MLLT3: variants seen among roughly 807,000 people sequenced by gnomAD.
The protein encoded by MLLT3 is protein AF-9.
Under a neutral mutation model 53.2 loss-of-function variants are expected in MLLT3, and 4 were observed. That is an observed-to-expected ratio of 0.08 (90% confidence interval 0.04 to 0.17). MLLT3 has a LOEUF of 0.17. Ranked by LOEUF, MLLT3 falls within the 10% of genes least tolerant of loss-of-function variation. The pLI is 1.00. For synonymous variants in MLLT3, 283 were observed against 230.6 expected (o/e 1.23, Z -2.06); for missense variants, 569 against 684.0 (o/e 0.83, Z 1.87).
At chr9:20,533,287 T>C (rs536988654) in intron 2 of MLLT3, 13 of 328,924 alleles carry the variant, frequency 4.0e-5, no homozygotes, top group Non-Finnish European at 6.2e-5. Context: ...GTGGCTCACA[T>C]TGCCAAGCTC....
chr9:20,442,386 C>A (rs777782681), intron 4 of MLLT3, among the ~76,000 whole-genome samples: 4 of 152,132 alleles, frequency 2.6e-5, no homozygotes, highest in Admixed American at 6.6e-5. Context: ...CGGACATATC[C>A]ATGTGCACAA....
chr9:20,522,895 G>A (rs1399964097), intron 2 of MLLT3, among the ~76,000 whole-genome samples: 4 of 152,080 alleles, frequency 2.6e-5, no homozygotes, highest in African/African-American at 4.8e-5. Context: ...AAAGGAAGTC[G>A]AGGCTTCAGT....
intron 2 of MLLT3, among the ~76,000 whole-genome samples, chr9:20,523,488 G>A (rs1818119702): frequency 6.6e-6 from 1 of 152,194 alleles, no homozygotes; most frequent in African/African-American, 2.4e-5. Flanking sequence ...TTCAGTAGAT[G>A]AAGAGATAAA....
intron 4 of MLLT3, among the ~76,000 whole-genome samples, chr9:20,427,642 C>T (rs964140248): frequency 6.6e-6 from 1 of 151,626 alleles, no homozygotes; most frequent in Non-Finnish European, 1.5e-5. Context: ...ATCCTAGACA[C>T]ATTGTACTAA....
chr9:20,513,804 G>C lies in MLLT3; in HGVS notation c.194-57018C>G, dbSNP rs541789241. ...GGATGACTGAGCCCTGCTTCTGTGT[G>C]AAACAAGTTACACCTAGATTCAGAA... is the stretch of plus-strand genomic sequence containing the variant. On this transcript the variant is annotated intron_variant, in intron 2 of 10. Coordinates refer to ENST00000380338, the MANE Select transcript of MLLT3 (RefSeq NM_004529.4). Among the ~76,000 whole-genome samples the C allele has an allele frequency of 1.8e-4, 28 of 152,336 alleles. 1 individual carries two copies. The South Asian group carries it at 5.4e-3, about 29-fold the overall frequency.
intron 2 of MLLT3, among the ~76,000 whole-genome samples, chr9:20,512,488 G>A (rs1817780368): frequency 6.6e-6 from 1 of 152,192 alleles, no homozygotes; most frequent in Non-Finnish European, 1.5e-5. Flanking sequence ...TTTGGGGGAA[G>A]AGTCTAGCTT....
chr9:20,411,473 C>A (rs1203914231), intron 5 of MLLT3, among the ~76,000 whole-genome samples: 3 of 152,086 alleles, frequency 2.0e-5, no homozygotes, highest in Non-Finnish European at 1.5e-5. Flanking sequence ...TTACTAGTAC[C>A]AGAAGACTAA....
At chr9:20,563,319 T>C (rs1418425083) in intron 2 of MLLT3, among the ~76,000 whole-genome samples, 1 of 152,024 alleles carries the variant, frequency 6.6e-6, no homozygotes, top group African/African-American at 2.4e-5. Context: ...GATCACTTGC[T>C]ATAACAGGTG....
At chr9:20,429,730 T>C (rs1005351215) in intron 4 of MLLT3, among the ~76,000 whole-genome samples, 17 of 152,232 alleles carry the variant, frequency 1.1e-4, no homozygotes, top group Non-Finnish European at 2.2e-4. Flanking sequence ...CAAAAATTCA[T>C]CCATGGTTTT....
intron 5 of MLLT3, among the ~76,000 whole-genome samples, chr9:20,409,869 T>G (rs1205377790): frequency 1.3e-5 from 2 of 152,098 alleles, no homozygotes; most frequent in African/African-American, 4.8e-5. Context: ...TAACAGTAAC[T>G]CAAAGATAAA....
intron 5 of MLLT3, among the ~76,000 whole-genome samples, chr9:20,395,044 T>C (rs898569014): frequency 6.6e-6 from 1 of 152,118 alleles, no homozygotes; most frequent in African/African-American, 2.4e-5. Context: ...TCACCACCTG[T>C]GAAGCTAAGC....
At position 20,484,875 on chromosome 9, in the gene MLLT3, G is replaced by A. The variant is rs997934136; in HGVS notation, c.194-28089C>T. Among the ~76,000 whole-genome samples, 5 of 152,108 alleles carry A rather than the reference G, an allele frequency of 3.3e-5. No individual in the cohort carries two copies. The South Asian group carries it at 6.2e-4, about 19-fold the overall frequency. ...ATATAATCATAACCACATTTTGAAC[G>A]CAGTTAAATATTTTCAAAAGATAAG... On this transcript the variant is annotated intron_variant, in intron 2 of 10. Coordinates refer to ENST00000380338, the MANE Select transcript of MLLT3 (RefSeq NM_004529.4).
chr9:20,622,492 A>T lies in MLLT3; in HGVS notation c.-236T>A. 2.0e-6 allele frequency: 1 copy of T among 489,504 alleles called. No individual in the cohort carries two copies. The highest frequency in any genetic ancestry group is 3.6e-6 in the Non-Finnish European group (1 of 277,508). 30.3% of individuals were successfully genotyped at this position (489,504 alleles called of 1,614,324 possible). The stretch of plus-strand genomic sequence containing the variant: ...AGCAGCAGCAGCTCCAGGGTAAAGA[A>T]GATGATTGCGGAGCATGCGCCGTGG... On this transcript the variant is annotated 5_prime_UTR_variant, in exon 1 of 11. Transcript: ENST00000380338.
intron 2 of MLLT3, among the ~76,000 whole-genome samples, chr9:20,494,933 A>AT (rs561881645): frequency 4.6e-5 from 7 of 152,106 alleles, no homozygotes; most frequent in East Asian, 1.9e-4. Flanking sequence ...ATGCAAGATG[A>AT]TTTTTTTTCC....
chr9:20,444,503 G>A (rs1484986930), intron 4 of MLLT3, among the ~76,000 whole-genome samples: 10 of 152,094 alleles, frequency 6.6e-5, no homozygotes, highest in Admixed American at 2.0e-4. Flanking sequence ...TAATAAATAT[G>A]AATAATAATT....
chr9:20,605,370 T>C (rs1474549677), intron 2 of MLLT3, among the ~76,000 whole-genome samples: 1 of 152,034 alleles, frequency 6.6e-6, no homozygotes, highest in Non-Finnish European at 1.5e-5. Flanking sequence ...TCTAGCTAAT[T>C]GGGACTTATA....
chr9:20,587,914 C>T (rs1295431162), intron 2 of MLLT3, among the ~76,000 whole-genome samples: 1 of 151,990 alleles, frequency 6.6e-6, no homozygotes, highest in Non-Finnish European at 1.5e-5. Flanking sequence ...GAAGTCCTTG[C>T]CCATGCCTAT....
chr9:20,422,836 G>A (rs1563960057), intron 4 of MLLT3, among the ~76,000 whole-genome samples: 1 of 152,180 alleles, frequency 6.6e-6, no homozygotes, highest in Non-Finnish European at 1.5e-5. Context: ...ATGTGGGACA[G>A]TGATGGTGAC....
At chr9:20,455,927 C>CT (rs780438955) in intron 3 of MLLT3, among the ~76,000 whole-genome samples, 5,300 of 116,722 alleles carry the variant, frequency 0.045, 216 homozygotes, top group African/African-American at 0.12. Context: ...CTGCTAAAAA[C>CT]TTTTTTTTTT....
Sources: allele counts gnomAD v4.1 joint callset (sites outside exome capture counted in the v4.1 genomes callset), GRCh38; gene constraint gnomAD v4.1.1; transcripts MANE v1.5; gene names NCBI Gene and HGNC (gene_info 2026-07-23, HGNC 2026-07-21).